The following BMAL2 variants were observed in gnomAD, a reference collection of about 807,000 sequenced individuals.
BMAL2 encodes the protein basic helix-loop-helix ARNT like 2, also known as basic helix-loop-helix ARNT-like protein 2.
At chr12:27,372,100 A>G in the BMAL2 span, among the ~76,000 whole-genome samples, 3 of 152,156 alleles carry the variant, frequency 2.0e-5, no homozygotes, top group African/African-American at 7.2e-5. Context: ...GCATGGCGGC[A>G]TGCGCCTGTA....
At chr12:27,365,760 C>G in the BMAL2 span, among the ~76,000 whole-genome samples, 6 of 151,072 alleles carry the variant, frequency 4.0e-5, no homozygotes, top group Non-Finnish European at 1.5e-5. Context: ...AAAATCTTGC[C>G]ATAAAGTTGT....
chr12:27,371,306 C>T, the BMAL2 span, among the ~76,000 whole-genome samples: 2 of 152,110 alleles, frequency 1.3e-5, no homozygotes, highest in Non-Finnish European at 2.9e-5. Flanking sequence ...TATGGTCACG[C>T]CACTGCATTC....
At chr12:27,348,654 A>G in the BMAL2 span, among the ~76,000 whole-genome samples, 2 of 152,214 alleles carry the variant, frequency 1.3e-5, no homozygotes, top group Non-Finnish European at 2.9e-5. Context: ...TCATTCATCC[A>G]TCATAAATTC....
the BMAL2 span, among the ~76,000 whole-genome samples, chr12:27,342,953 T>A: frequency 1.3e-5 from 2 of 152,230 alleles, no homozygotes; most frequent in African/African-American, 4.8e-5. Flanking sequence ...CTGGGGTATG[T>A]GGTCATAAGC....
the BMAL2 span, among the ~76,000 whole-genome samples, chr12:27,336,874 TG>T: frequency 7.1e-6 from 1 of 141,350 alleles, no homozygotes; most frequent in South Asian, 2.2e-4. Flanking sequence ...CACTTGAACC[TG>T]GGAGGCAGAG....
the BMAL2 span, among the ~76,000 whole-genome samples, chr12:27,367,579 C>T: frequency 1.3e-5 from 2 of 151,940 alleles, no homozygotes; most frequent in Admixed American, 6.6e-5. Context: ...TGGATTTCCC[C>T]CTTCCTTTCT....
chr12:27,376,335 CT>C, the BMAL2 span: 1 of 1,612,222 alleles, frequency 6.2e-7, no homozygotes, highest in South Asian at 1.1e-5. Context: ...TTTTATCCTG[CT>C]TTTTTGTAGA....
At chr12:27,389,507 G>A in the BMAL2 span, among the ~76,000 whole-genome samples, 1 of 152,098 alleles carries the variant, frequency 6.6e-6, no homozygotes, top group African/African-American at 2.4e-5. Context: ...TCATTGATAT[G>A]AAGATGCTTT....
the BMAL2 span, chr12:27,332,911 C>A: frequency 3.1e-6 from 1 of 323,476 alleles, no homozygotes; most frequent in Non-Finnish European, 4.8e-6. Context: ...GCGTCCCGTG[C>A]GCGCCTACGG....
At chr12:27,369,244 G>T in the BMAL2 span, among the ~76,000 whole-genome samples, 1 of 152,290 alleles carries the variant, frequency 6.6e-6, no homozygotes, top group African/African-American at 2.4e-5. Flanking sequence ...TTGGGAGTTG[G>T]AGGTCAAGAT....
chr12:27,423,324 C>CTTTTTTTTTTTTTTTTTTTTT, the BMAL2 span: 3 of 85,930 alleles, frequency 3.5e-5, 1 homozygote, highest in African/African-American at 9.0e-5. Flanking sequence ...CTTTTCTTTT[C>CTTTTTTTTTTTTTTTTTTTTT]TTTTTTTTTT....
the BMAL2 span, among the ~76,000 whole-genome samples, chr12:27,395,947 C>T: frequency 2.6e-5 from 4 of 152,154 alleles, no homozygotes; most frequent in Non-Finnish European, 5.9e-5. Context: ...AACAATTGTG[C>T]GACCTTAGGC....
At chr12:27,410,726 CCTAAAA>C in the BMAL2 span, among the ~76,000 whole-genome samples, 1 of 151,372 alleles carries the variant, frequency 6.6e-6, no homozygotes. Context: ...GTACATGTAC[CCTAAAA>C]CTAAAAGTGT....
chr12:27,420,418 C>T, the BMAL2 span: 57 of 1,613,846 alleles, frequency 3.5e-5, no homozygotes, highest in Non-Finnish European at 4.4e-5. Flanking sequence ...AGTTGGATTT[C>T]GATGCCCTAT....
chr12:27,401,698 C>T, the BMAL2 span: 1 of 1,496,820 alleles, frequency 6.7e-7, no homozygotes, highest in South Asian at 1.3e-5. Context: ...TATGTTAAGA[C>T]CTTTATATTG....
the BMAL2 span, among the ~76,000 whole-genome samples, chr12:27,370,847 AC>A: frequency 2.6e-5 from 4 of 151,944 alleles, 1 homozygote; most frequent in Admixed American, 6.5e-5. Flanking sequence ...CTCGTGATCC[AC>A]CCACCTTGGC....
the BMAL2 span, among the ~76,000 whole-genome samples, chr12:27,417,408 C>A: frequency 6.6e-6 from 1 of 152,192 alleles, no homozygotes; most frequent in Non-Finnish European, 1.5e-5. Context: ...ACTTTTTCTT[C>A]TTCATCCAAA....
the BMAL2 span, among the ~76,000 whole-genome samples, chr12:27,341,375 C>T: frequency 6.6e-6 from 1 of 152,084 alleles, no homozygotes; most frequent in Non-Finnish European, 1.5e-5. Context: ...GAGATAATCA[C>T]GTGGTTTTTG....
chr12:27,409,284 C>G, the BMAL2 span, among the ~76,000 whole-genome samples: 2 of 152,168 alleles, frequency 1.3e-5, no homozygotes, highest in Non-Finnish European at 2.9e-5. Flanking sequence ...CCCACATTGC[C>G]AAGTCAATCC....
Sources: gnomAD v4.1 joint callset for allele counts (sites outside exome capture counted in the v4.1 genomes callset) on GRCh38, gnomAD v4.1.1 for gene constraint, MANE v1.5 for transcripts, NCBI Gene and HGNC (gene_info 2026-07-23, HGNC 2026-07-21) for gene names.